The following HPSE2 variants were observed in gnomAD, a reference collection of about 807,000 sequenced individuals.
HPSE2 encodes heparanase 2 (inactive).
HPSE2 carries 38 observed loss-of-function variants against 60.5 expected under a neutral mutation model. The ratio of observed to expected loss-of-function variants is 0.63; its 90% CI spans 0.48 to 0.82. HPSE2 has a LOEUF of 0.82. Among genes scored for constraint, HPSE2 ranks in the 40% least tolerant of loss-of-function variants. The probability of loss-of-function intolerance (pLI) is 0.00; values close to 1 mark genes in which losing one functional copy is unlikely to be tolerated. For synonymous variants in HPSE2, 295 were observed against 293.2 expected (o/e 1.01, Z -0.06); for missense variants, 713 against 740.4 (o/e 0.96, Z 0.43).
intron 2 of HPSE2, among the ~76,000 whole-genome samples, chr10:99,220,726 C>T (rs927051602): frequency 1.3e-5 from 2 of 151,490 alleles, no homozygotes; most frequent in African/African-American, 4.9e-5. Context: ...TCTCTTGAAC[C>T]CGGGAGGTGG....
intron 2 of HPSE2, among the ~76,000 whole-genome samples, chr10:99,161,578 C>G (rs1415923658): frequency 2.0e-5 from 3 of 152,030 alleles, no homozygotes; most frequent in African/African-American, 7.2e-5. Context: ...TGTAAACAAG[C>G]ATAAGAATGT....
chr10:99,224,556 T>C (rs1327731591), intron 2 of HPSE2, among the ~76,000 whole-genome samples: 1 of 152,050 alleles, frequency 6.6e-6, no homozygotes, highest in Non-Finnish European at 1.5e-5. Flanking sequence ...TCTAATCCAT[T>C]TTGATGAAGG....
intron 2 of HPSE2, among the ~76,000 whole-genome samples, chr10:99,186,129 C>CACACAT (rs1554912906): frequency 1.3e-4 from 18 of 141,610 alleles, no homozygotes; most frequent in Non-Finnish European, 2.5e-4. Context: ...CACACACACA[C>CACACAT]ACACACACAC....
At chr10:99,101,231 AT>A (rs1214851762) in intron 3 of HPSE2, among the ~76,000 whole-genome samples, 2 of 152,222 alleles carry the variant, frequency 1.3e-5, no homozygotes, top group African/African-American at 4.8e-5. Context: ...AGTGTGCTGT[AT>A]TCAGGAAACC....
At chr10:98,662,712 G>A (rs1468284750) in intron 6 of HPSE2, among the ~76,000 whole-genome samples, 1 of 152,162 alleles carries the variant, frequency 6.6e-6, no homozygotes, top group African/African-American at 2.4e-5. Context: ...ATGAACAATT[G>A]TCATGCTGTG....
intron 3 of HPSE2, among the ~76,000 whole-genome samples, chr10:98,995,539 A>C (rs1210764557): frequency 1.3e-5 from 2 of 152,176 alleles, no homozygotes; most frequent in Non-Finnish European, 2.9e-5. Flanking sequence ...TCTCCGGATA[A>C]ATTTTTAAAA....
chr10:98,863,950 T>A (rs1564618787), intron 3 of HPSE2, among the ~76,000 whole-genome samples: 1 of 148,526 alleles, frequency 6.7e-6, no homozygotes, highest in Non-Finnish European at 1.5e-5. Context: ...ATGTACTATA[T>A]ACGTATATGA....
intron 6 of HPSE2, among the ~76,000 whole-genome samples, chr10:98,651,824 G>GT (rs1946925105): frequency 6.6e-6 from 1 of 151,070 alleles, no homozygotes; most frequent in Non-Finnish European, 1.5e-5. Context: ...CCAGGCTGGA[G>GT]TGCAGTGGTG....
At chr10:98,559,611 GACAA>G (rs976228751) in intron 9 of HPSE2, among the ~76,000 whole-genome samples, 14 of 152,106 alleles carry the variant, frequency 9.2e-5, no homozygotes, top group Non-Finnish European at 4.4e-5. Context: ...CTCACCGACC[GACAA>G]ACATTTATTG....
At chr10:98,927,861 A>G (rs1444138435) in intron 3 of HPSE2, among the ~76,000 whole-genome samples, 1 of 150,536 alleles carries the variant, frequency 6.6e-6, no homozygotes, top group South Asian at 2.1e-4. Context: ...AGACTTAAAC[A>G]TTAGACCTAA....
the HPSE2 span, among the ~76,000 whole-genome samples, chr10:99,251,241 G>A: frequency 6.6e-6 from 1 of 152,118 alleles, no homozygotes; most frequent in South Asian, 2.1e-4. Flanking sequence ...ACAAAACCTA[G>A]AGGAAATGAA....
At chr10:99,066,110 A>G (rs1057390070) in intron 3 of HPSE2, among the ~76,000 whole-genome samples, 1 of 152,058 alleles carries the variant, frequency 6.6e-6, no homozygotes, top group African/African-American at 2.4e-5. Context: ...ATATGCCCCT[A>G]AAGATTATAG....
At chr10:99,213,407 T>A (rs1026308228) in intron 2 of HPSE2, among the ~76,000 whole-genome samples, 2 of 152,124 alleles carry the variant, frequency 1.3e-5, no homozygotes, top group Admixed American at 6.5e-5. Context: ...ATAGGTTCCA[T>A]CCCTCTGCTG....
At chr10:99,185,855 A>T (rs1847987218) in intron 2 of HPSE2, among the ~76,000 whole-genome samples, 1 of 152,130 alleles carries the variant, frequency 6.6e-6, no homozygotes, top group Non-Finnish European at 1.5e-5. Context: ...CAGAAACAAT[A>T]CAAGCAAGAG....
chr10:98,794,326 CT>C (rs957800933), intron 3 of HPSE2, among the ~76,000 whole-genome samples: 1 of 151,682 alleles, frequency 6.6e-6, no homozygotes, highest in Non-Finnish European at 1.5e-5. Context: ...CCACTGCAAC[CT>C]CTGCCTCCCA....
intron 3 of HPSE2, among the ~76,000 whole-genome samples, chr10:99,132,699 A>C (rs913058202): frequency 3.3e-5 from 5 of 152,172 alleles, no homozygotes; most frequent in Non-Finnish European, 5.9e-5. Context: ...TGAGGAACTC[A>C]GGCACAGACA....
Position 99,119,991 on chromosome 10 carries a change from CT to C in HPSE2, c.610+24246del, listed in dbSNP as rs553340936. Among the ~76,000 whole-genome samples the C allele has an allele frequency of 1.8e-3, 277 of 152,222 alleles. 2 individuals carry two copies. The highest frequency in any genetic ancestry group is 6.5e-3 in the African/African-American group (269 of 41,540). On this transcript the variant is annotated intron_variant, in intron 3 of 11. Coordinates refer to ENST00000370552, the MANE Select transcript of HPSE2 (RefSeq NM_021828.5). ...ATGTAAAACACAAAACTTAAAAACC[CT>C]GGAAGATAACCTAGGCAGTACCATC...
chr10:98,935,554 G>T (rs1185272368), intron 3 of HPSE2, among the ~76,000 whole-genome samples: 1 of 144,018 alleles, frequency 6.9e-6, no homozygotes, highest in Admixed American at 6.9e-5. Context: ...CTCTTCTGCA[G>T]GTCTGCTGCA....
chr10:99,184,813 TATATATAGAG>T lies in HPSE2; in HGVS notation c.449-40424_449-40415del, dbSNP rs1161611116. Among the ~76,000 whole-genome samples, 234 of 30,900 alleles carry T rather than the reference TATATATAGAG, an allele frequency of 7.6e-3. 2 individuals carry two copies. The highest frequency in any genetic ancestry group is 0.016 in the African/African-American group (226 of 13,906). 20.3% of individuals were successfully genotyped at this position (30,900 alleles called of 152,430 possible). On this transcript the variant is annotated intron_variant, in intron 2 of 11. Coordinates refer to ENST00000370552, the MANE Select transcript of HPSE2 (RefSeq NM_021828.5). ...ATATATATATATATATATATATATA[TATATATAGAG>T]AGAGAGAGAGAGAGAGAGAGAGAGA...
Sources: gnomAD v4.1 joint callset for allele counts (sites outside exome capture counted in the v4.1 genomes callset) on GRCh38, gnomAD v4.1.1 for gene constraint, MANE v1.5 for transcripts, NCBI Gene and HGNC (gene_info 2026-07-23, HGNC 2026-07-21) for gene names.